Variants in GABRA3 observed in about 807,000 individuals in gnomAD.
GABRA3 encodes the protein gamma-aminobutyric acid type A receptor subunit alpha3.
A neutral mutation model predicts 30.1 loss-of-function variants in GABRA3; 10 were observed. That is an observed-to-expected ratio of 0.33 (90% CI 0.20 to 0.56). GABRA3 has a LOEUF of 0.56. Ranked by LOEUF, GABRA3 falls within the 20% of genes least tolerant of loss-of-function variation. The pLI is 0.89. For missense variants in GABRA3, 233 were observed against 392.0 expected (o/e 0.59, Z 3.42); for synonymous variants, 151 against 146.8 (o/e 1.03, Z -0.21).
chrX:152,179,587 C>T (rs958177524), intron 9 of GABRA3, among the ~76,000 whole-genome samples: 3 of 107,651 alleles, frequency 2.8e-5, no homozygotes, highest in Non-Finnish European at 3.8e-5. Context: ...CTCTGCCTCC[C>T]GGGTTCACGC....
chrX:152,426,555 G>A (rs913448100), intron 1 of GABRA3, among the ~76,000 whole-genome samples: 1 of 111,635 alleles, frequency 9.0e-6, no homozygotes, highest in South Asian at 3.8e-4. Flanking sequence ...TGGGCATGGT[G>A]AGATTCTATC....
rs184065914 is a variant in GABRA3 at position 152,341,292 on chromosome X, G to A, written c.262+4289C>T. On this transcript the variant is annotated intron_variant, in intron 3 of 9. Transcript: ENST00000370314. ...CCACTCATTGGTTGATGGGCACTTA[G>A]GTTGGTTCCGTATCTTTGCAATTGT... Among the ~76,000 whole-genome samples, 484 of 111,044 alleles carry A rather than the reference G, an allele frequency of 4.4e-3. 2 individuals are homozygous for A. Among genetic ancestry groups the A allele is most frequent in the African/African-American group, 0.015 (452 of 30,494 alleles).
intron 3 of GABRA3, among the ~76,000 whole-genome samples, chrX:152,328,355 T>C (rs774551162): frequency 1.8e-5 from 2 of 111,727 alleles, no homozygotes; most frequent in African/African-American, 6.5e-5. Flanking sequence ...TTTATGGGGC[T>C]AGCATCTTCC....
rs369652819 is a variant in GABRA3 at position 152,228,220 on chromosome X, G to A, written c.552-3375C>T. On this transcript the variant is annotated intron_variant, in intron 5 of 9. Transcript: ENST00000370314. ...ATCTCAATATGTGAAGGGAGATAAG[G>A]AGGGCAAGAAGATCAGACAGCATTG... Among the ~76,000 whole-genome samples the A allele has an allele frequency of 2.7e-5, 3 of 111,679 alleles. No homozygotes were observed. The South Asian group carries it at 1.1e-3, about 42-fold the overall frequency.
chrX:152,306,189 A>C (rs1014960336), intron 3 of GABRA3, among the ~76,000 whole-genome samples: 1 of 111,986 alleles, frequency 8.9e-6, no homozygotes, highest in Non-Finnish European at 1.9e-5. Context: ...AGTGTTGATA[A>C]GGAAGTGAAA....
intron 3 of GABRA3, among the ~76,000 whole-genome samples, chrX:152,310,775 C>T (rs921058347): frequency 2.7e-5 from 3 of 110,067 alleles, no homozygotes; most frequent in Non-Finnish European, 5.7e-5. Flanking sequence ...AACTAAAAGG[C>T]TTTCTTTGGA....
Position 152,168,181 on chromosome X carries a change from G to A in GABRA3, c.*47C>T. On this transcript the variant is annotated 3_prime_UTR_variant, in exon 10 of 10. Transcript: ENST00000370314. ...AGCCCCGGGGTTTGGGTGCCTGGAT[G>A]CTTCACGGGGTATACAGTGCTCTGG... 9.3e-7 allele frequency: 1 copy of A among 1,079,291 alleles called. No homozygotes were observed. The highest frequency in any genetic ancestry group is 1.3e-6 in the Non-Finnish European group (1 of 782,933). 88.9% of individuals were successfully genotyped at this position (1,079,291 alleles called of 1,213,427 possible).
chrX:152,244,764 T>A (rs1391749620), intron 5 of GABRA3, among the ~76,000 whole-genome samples: 2 of 111,290 alleles, frequency 1.8e-5, no homozygotes, highest in African/African-American at 6.5e-5. Context: ...ATATTCCTTA[T>A]CCAGAATACT....
chrX:152,337,607 T>C (rs545954110), intron 3 of GABRA3, among the ~76,000 whole-genome samples: 14 of 111,531 alleles, frequency 1.3e-4, no homozygotes, highest in African/African-American at 3.3e-4. Flanking sequence ...GGTGGGAGGA[T>C]TGTTTGAGCC....
At chrX:152,186,688 C>T (rs1937260185) in intron 9 of GABRA3, 1 of 108,817 alleles carries the variant, frequency 9.2e-6, no homozygotes, top group South Asian at 4.1e-4. Context: ...GTGGTGCGAC[C>T]TTGGCTCACT....
At chrX:152,199,182 T>G (rs147789656) in intron 7 of GABRA3, among the ~76,000 whole-genome samples, 10 of 109,216 alleles carry the variant, frequency 9.2e-5, no homozygotes, top group Non-Finnish European at 1.3e-4. Flanking sequence ...CTGGCTAACA[T>G]GGTGAAACCC....
At chrX:152,394,521 C>T in intron 1 of GABRA3, 1 of 386,107 alleles carries the variant, frequency 2.6e-6, no homozygotes, top group Non-Finnish European at 5.2e-6. Flanking sequence ...TGAGCTGATA[C>T]CAGGTTATAG....
intron 3 of GABRA3, among the ~76,000 whole-genome samples, chrX:152,328,315 T>A (rs1940100793): frequency 9.0e-6 from 1 of 111,555 alleles, no homozygotes; most frequent in Non-Finnish European, 1.9e-5. Context: ...TTCCAATCAA[T>A]AGAAGAAGGG....
At chrX:152,262,043 G>T (rs1241647444) in intron 4 of GABRA3, among the ~76,000 whole-genome samples, 1 of 112,372 alleles carries the variant, frequency 8.9e-6, no homozygotes, top group African/African-American at 3.2e-5. Context: ...AGCTGCCAAG[G>T]CTTGGGGCTT....
chrX:152,325,906 G>C (rs969331800), intron 3 of GABRA3, among the ~76,000 whole-genome samples: 3 of 111,304 alleles, frequency 2.7e-5, no homozygotes, highest in Admixed American at 1.9e-4. Flanking sequence ...CAACCTCTCC[G>C]AGCTAAAGGA....
At chrX:152,417,864 A>G (rs1340560242) in intron 1 of GABRA3, among the ~76,000 whole-genome samples, 2 of 78,965 alleles carry the variant, frequency 2.5e-5, no homozygotes, top group Middle Eastern at 6.7e-3. Flanking sequence ...ATCACACTCC[A>G]GGGACTGTTG....
chrX:152,411,956 A>T (rs188842547), intron 1 of GABRA3, among the ~76,000 whole-genome samples: 5 of 111,714 alleles, frequency 4.5e-5, no homozygotes, highest in South Asian at 7.4e-4. Context: ...GCTGTTTTTT[A>T]AAAAAAGAAT....
At chrX:152,176,991 G>A (rs950070541) in intron 9 of GABRA3, among the ~76,000 whole-genome samples, 2 of 111,918 alleles carry the variant, frequency 1.8e-5, no homozygotes, top group East Asian at 2.8e-4. Flanking sequence ...TACCAAGGAC[G>A]AACAAGAAAA....
rs1193156653 is a variant in GABRA3, at chrX:152,240,134, G to A, written c.552-15289C>T. Among the ~76,000 whole-genome samples, 35 of 102,613 alleles carry A rather than the reference G, an allele frequency of 3.4e-4. 3 individuals are homozygous for A. Among genetic ancestry groups the A allele is most frequent in the African/African-American group, 1.1e-3 (28 of 25,642 alleles). 89.1% of individuals were successfully genotyped at this position (102,613 alleles called of 115,157 possible). On this transcript the variant is annotated intron_variant, in intron 5 of 9. Transcript: ENST00000370314. Reference sequence around the variant, plus strand: ...GCATGATTTTGCAGCAGCTGGTACCGGTTGTTCCTTTCCATGTTTAGCGCT... The same window carrying A: ...GCATGATTTTGCAGCAGCTGGTACCAGTTGTTCCTTTCCATGTTTAGCGCT...
Sources: allele counts gnomAD v4.1 joint callset (sites outside exome capture counted in the v4.1 genomes callset), GRCh38; gene constraint gnomAD v4.1.1; transcripts MANE v1.5; gene names NCBI Gene and HGNC (gene_info 2026-07-23, HGNC 2026-07-21).